The following LRRC7 variants were observed in gnomAD, a reference collection of about 807,000 sequenced individuals.
LRRC7 encodes leucine-rich repeat-containing protein 7.
Under a neutral mutation model 175.7 loss-of-function variants are expected in LRRC7, and 23 were observed. That is an observed-to-expected ratio of 0.13 (90% CI 0.09 to 0.19). The LOEUF is 0.19. Ranked by LOEUF, LRRC7 falls within the 10% of genes least tolerant of loss-of-function variation. LRRC7 has a pLI of 1.00. For missense variants in LRRC7, 1,354 were observed against 1,904.7 expected, an observed-to-expected ratio of 0.71 and a Z score of 5.38; for synonymous variants, 685 against 680.9, an observed-to-expected ratio of 1.01 and a Z score of -0.09.
chr1:69,843,124 G>T (rs924134571), intron 7 of LRRC7, among the ~76,000 whole-genome samples: 1 of 151,932 alleles, frequency 6.6e-6, no homozygotes, highest in African/African-American at 2.4e-5. Flanking sequence ...GCTTGAACCT[G>T]GGAGGCAGAG....
intron 11 of LRRC7, among the ~76,000 whole-genome samples, chr1:69,999,246 A>G (rs1655295398): frequency 6.6e-6 from 1 of 152,232 alleles, no homozygotes; most frequent in Admixed American, 6.5e-5. Context: ...ATTTGGAAAC[A>G]TCAGTTGGCT....
At chr1:70,054,716 C>T (rs1175370337) in intron 23 of LRRC7, among the ~76,000 whole-genome samples, 2 of 150,836 alleles carry the variant, frequency 1.3e-5, no homozygotes, top group Non-Finnish European at 3.0e-5. Context: ...TCTCCTGCCT[C>T]AGCCTCCCGA....
At chr1:69,644,926 C>T (rs1052052484) in intron 1 of LRRC7, among the ~76,000 whole-genome samples, 6 of 151,862 alleles carry the variant, frequency 4.0e-5, no homozygotes, top group Non-Finnish European at 8.8e-5. Flanking sequence ...ATTAAATAAC[C>T]TTTAGTCATA....
chr1:70,131,828 A>C lies in LRRC7; in HGVS notation c.*9941A>C, dbSNP rs1425123976. 1.3e-5 allele frequency among the ~76,000 whole-genome samples: 2 copies of C among 152,270 alleles called. No individual in the cohort carries two copies. Among genetic ancestry groups the C allele is most frequent in the African/African-American group, 4.8e-5 (2 of 41,474 alleles). The stretch of plus-strand genomic sequence containing the variant: ...TGTCTCTTTGAACAAAAATAAATGA[A>C]AAATGAACTGGAAAAGTGAAATATT... On this transcript the variant is annotated 3_prime_UTR_variant, in exon 27 of 27. Transcript: ENST00000651989.
chr1:69,665,776 T>A (rs1658175775), intron 1 of LRRC7, among the ~76,000 whole-genome samples: 1 of 152,068 alleles, frequency 6.6e-6, no homozygotes, highest in South Asian at 2.1e-4. Context: ...GAAACAAGGA[T>A]AATTTGACTT....
rs112465163 is a variant in LRRC7 at position 69,914,941 on chromosome 1, G to C, written c.648-16566G>C. On this transcript the variant is annotated intron_variant, in intron 7 of 26. Transcript: ENST00000651989. ...CTGGCATAGAATATAGTGAACTGTA[G>C]AGCACATATTTTTCATAAAAACATT... 1.4e-3 allele frequency among the ~76,000 whole-genome samples: 219 copies of C among 152,206 alleles called. 1 individual carries two copies. Among genetic ancestry groups the C allele is most frequent in the African/African-American group, 5.0e-3 (206 of 41,538 alleles).
intron 2 of LRRC7, among the ~76,000 whole-genome samples, chr1:69,722,309 T>C (rs1363378575): frequency 2.0e-5 from 3 of 152,054 alleles, no homozygotes; most frequent in Non-Finnish European, 4.4e-5. Context: ...ATTGTATTGA[T>C]TTATTTTGCA....
chr1:70,093,025 A>G (rs1482925455), intron 25 of LRRC7, among the ~76,000 whole-genome samples: 2 of 152,146 alleles, frequency 1.3e-5, no homozygotes, highest in East Asian at 3.9e-4. Context: ...TTCATTCACC[A>G]TAGAACTCAT....
rs1300575090 is a variant in LRRC7 at position 69,842,918 on chromosome 1, G to A, written c.647+4635G>A. On this transcript the variant is annotated intron_variant, in intron 7 of 26. Coordinates refer to ENST00000651989, the MANE Select transcript of LRRC7 (RefSeq NM_001370785.2). ...AGCCACATCAAAATACCTAGTATTG[G>A]CCAGGAGCAGTGGCTCACATCTGTA... Among the ~76,000 whole-genome samples, 10 of 152,074 alleles carry A rather than the reference G, an allele frequency of 6.6e-5. No homozygotes were observed. The East Asian group carries it at 1.9e-3, about 29-fold the overall frequency.
intron 1 of LRRC7, among the ~76,000 whole-genome samples, chr1:69,589,416 C>T (rs1246837158): frequency 6.6e-6 from 1 of 152,098 alleles, no homozygotes; most frequent in Admixed American, 6.6e-5. Context: ...ACATCAGAAA[C>T]ATTTAGCTCA....
rs540620683 is a variant in LRRC7, at chr1:69,626,748, G to A, written c.3-51633G>A. On this transcript the variant is annotated intron_variant, in intron 1 of 26. Coordinates refer to ENST00000651989, the MANE Select transcript of LRRC7 (RefSeq NM_001370785.2). ...CCTCCGCCCCCCCATGACAGGCCCC[G>A]GTGTGTGATGTTCCCCATCCTGTGT... Among the ~76,000 whole-genome samples, 29 of 120,198 alleles carry A rather than the reference G, an allele frequency of 2.4e-4. No homozygotes were observed. In the South Asian group the frequency reaches 5.9e-3, roughly 25 times the overall value. 78.9% of individuals were successfully genotyped at this position (120,198 alleles called of 152,430 possible).
chr1:69,569,066 GACACAC>G (rs3831340), intron 1 of LRRC7, among the ~76,000 whole-genome samples: 7 of 151,120 alleles, frequency 4.6e-5, no homozygotes, highest in African/African-American at 4.9e-5. Context: ...GTTTGATCGT[GACACAC>G]ACACACACAC....
intron 7 of LRRC7, chr1:69,919,796 G>A (rs1383210300): frequency 1.1e-5 from 9 of 835,216 alleles, no homozygotes; most frequent in Non-Finnish European, 1.8e-5. Context: ...GAGCGGGACA[G>A]TGTTCACGGA....
intron 8 of LRRC7, among the ~76,000 whole-genome samples, chr1:69,933,726 C>T (rs939515009): frequency 2.0e-5 from 3 of 151,970 alleles, no homozygotes; most frequent in African/African-American, 7.3e-5. Context: ...ATGTGTGAAT[C>T]GGTATTTTAC....
intron 1 of LRRC7, among the ~76,000 whole-genome samples, chr1:69,632,055 C>G (rs1346371183): frequency 6.6e-6 from 1 of 152,112 alleles, no homozygotes; most frequent in African/African-American, 2.4e-5. Context: ...TTTTTCTTCT[C>G]TCTGCATCAG....
At chr1:69,725,531 G>A (rs1376237973) in intron 2 of LRRC7, among the ~76,000 whole-genome samples, 2 of 152,166 alleles carry the variant, frequency 1.3e-5, no homozygotes, top group African/African-American at 4.8e-5. Context: ...ATTTATATGG[G>A]CAGAAATTGA....
At chr1:69,632,860 A>G (rs1652728564) in intron 1 of LRRC7, among the ~76,000 whole-genome samples, 1 of 152,156 alleles carries the variant, frequency 6.6e-6, no homozygotes, top group South Asian at 2.1e-4. Flanking sequence ...AGTAAAATTA[A>G]TTAAAAATTA....
intron 4 of LRRC7, among the ~76,000 whole-genome samples, chr1:69,820,403 T>C (rs568661546): frequency 5.6e-4 from 85 of 152,248 alleles, no homozygotes; most frequent in African/African-American, 2.0e-3. Flanking sequence ...AGTTCTGGGG[T>C]ATATGTACAG....
chr1:69,604,339 T>G (rs1422528958), intron 1 of LRRC7, among the ~76,000 whole-genome samples: 1 of 152,176 alleles, frequency 6.6e-6, no homozygotes, highest in Non-Finnish European at 1.5e-5. Context: ...CAAAACAAAC[T>G]GACTCTTCAT....
Sources: gnomAD v4.1 joint callset for allele counts (sites outside exome capture counted in the v4.1 genomes callset) on GRCh38, gnomAD v4.1.1 for gene constraint, MANE v1.5 for transcripts, NCBI Gene and HGNC (gene_info 2026-07-23, HGNC 2026-07-21) for gene names.